Variants in FSIP2 observed in about 807,000 individuals in gnomAD.
The protein encoded by FSIP2 is fibrous sheath interacting protein 2.
A neutral mutation model predicts 510.5 loss-of-function variants in FSIP2; 367 were observed. The ratio of observed to expected loss-of-function variants is 0.72; its 90% CI spans 0.66 to 0.78. The LOEUF is 0.78. FSIP2 is among the 30% of genes least tolerant of loss of function. FSIP2 has a pLI of 0.00. For synonymous variants in FSIP2, 2,601 were observed against 2,732.2 expected (o/e 0.95, Z 1.50); for missense variants, 7,594 against 7,901.7 (o/e 0.96, Z 1.48).
Position 185,796,181 on chromosome 2 carries a change from G to A in FSIP2, c.9045G>A (p.Glu3015=), listed in dbSNP as rs893548772. The stretch of plus-strand genomic sequence containing the variant: ...AGTTTAAACATATCTCCAAATATGA[G>A]TTTTCTGAAATTGTGAAAATGCCTA... ...DLQFKHISKY[E]FSEIVKMPIE... Residue 3015 remains glutamate (E), a synonymous_variant, in exon 16 of 23, where the codon GAG becomes GAA. Coordinates refer to ENST00000424728, the MANE Select transcript of FSIP2 (RefSeq NM_173651.4). 2 of 1,532,674 alleles carry A rather than the reference G, an allele frequency of 1.3e-6. No homozygotes were observed. The highest frequency in any genetic ancestry group is 2.7e-5 in the African/African-American group (2 of 72,762). The allele number at this position is 1,532,674 out of a possible 1,614,324, so 94.9% of individuals were successfully genotyped here.
Position 185,804,779 on chromosome 2 carries a change from C to T in FSIP2, c.15473C>T (p.Thr5158Ile). ...DEFVEAASKL[T>I]DEIIKEISEH... ...TTTGTGGAGGCAGCTTCAAAATTGACTGATGAAATTATAAAAGAAATTTCT... is the reference window on the plus strand; with the variant it reads ...TTTGTGGAGGCAGCTTCAAAATTGATTGATGAAATTATAAAAGAAATTTCT... The change falls in exon 17 of 23, where the codon ACT becomes ATT. Residue 5158 changes from threonine to isoleucine, a missense_variant. Transcript: ENST00000424728. The T allele has an allele frequency of 2.0e-6, 3 of 1,532,140 alleles. No individual in the cohort carries two copies. The highest frequency in any genetic ancestry group is 1.7e-6 in the Non-Finnish European group (2 of 1,144,680). The allele number at this position is 1,532,140 out of a possible 1,614,324, so 94.9% of individuals were successfully genotyped here.
chr2:185,812,404 A>G (rs1693750463), intron 17 of FSIP2, among the ~76,000 whole-genome samples: 1 of 152,072 alleles, frequency 6.6e-6, no homozygotes, highest in Non-Finnish European at 1.5e-5. Flanking sequence ...CTGTACCTCC[A>G]TTGTATCCTA....
In FSIP2 at chr2:185,833,074, T is replaced by A; in HGVS notation, c.20588-16T>A. 1 of 1,608,766 alleles carries A rather than the reference T, an allele frequency of 6.2e-7. No individual in the cohort carries two copies. The highest frequency in any genetic ancestry group is 8.5e-7 in the Non-Finnish European group (1 of 1,176,624). Reference sequence around the variant, plus strand: ...AAAAATAAAGATATCATTCTTCTTGTTTACTTTGTCCACAGAAACTCCCAA... The same window carrying A: ...AAAAATAAAGATATCATTCTTCTTGATTACTTTGTCCACAGAAACTCCCAA... On this transcript the variant is annotated splice_polypyrimidine_tract_variant and intron_variant, in intron 22 of 22. Coordinates refer to ENST00000424728, the MANE Select transcript of FSIP2 (RefSeq NM_173651.4).
rs910089716 is a variant in FSIP2, at chr2:185,799,890, G to A, written c.10584G>A (p.Trp3528Ter). 1 of 1,533,520 alleles carries A rather than the reference G, an allele frequency of 6.5e-7. No individual in the cohort carries two copies. The highest frequency in any genetic ancestry group is 1.4e-5 in the African/African-American group (1 of 72,922). 95.0% of individuals were successfully genotyped at this position (1,533,520 alleles called of 1,614,324 possible). A position where few individuals can be genotyped will look rare whatever the true frequency, so the allele number is the denominator to read the frequency against. ...TKKGREKEKAWEIQEATFSKI... is the reference protein window; with the variant it reads ...TKKGREKEKA ...AGGGTAGAGAAAAAGAGAAAGCATGGGAAATTCAAGAAGCAACATTTAGCA... is the reference window on the plus strand; with the variant it reads ...AGGGTAGAGAAAAAGAGAAAGCATGAGAAATTCAAGAAGCAACATTTAGCA... The change falls in exon 17 of 23, where the codon TGG becomes TGA. Residue 3528 changes from tryptophan to a stop codon, truncating the protein, a stop_gained. Transcript: ENST00000424728. LOFTEE classifies it high-confidence loss of function.
In FSIP2 at chr2:185,803,014, G is replaced by C; in HGVS notation, c.13708G>C (p.Asp4570His). The C allele has an allele frequency of 6.5e-7, 1 of 1,530,392 alleles. No individual in the cohort carries two copies. The highest frequency in any genetic ancestry group is 1.2e-5 in the South Asian group (1 of 83,062). The allele number at this position is 1,530,392 out of a possible 1,614,324, so 94.8% of individuals were successfully genotyped here. A position where few individuals can be genotyped will look rare whatever the true frequency, so the allele number is the denominator to read the frequency against. Residue 4570 changes from aspartate to histidine, a missense_variant, in exon 17 of 23, where the codon GAC becomes CAC. Physicochemically the swap from Asp to His is moderately conservative, Grantham distance 81 (BLOSUM62 -1). Transcript: ENST00000424728. Reference protein sequence around the residue: ...SAVQNITSSNDILIDRIAGFI... With the variant: ...SAVQNITSSNHILIDRIAGFI... ...TGTGCAAAATATCACAAGCAGTAAT[G>C]ACATTCTTATAGATAGAATAGCAGG...
intron 13 of FSIP2, among the ~76,000 whole-genome samples, chr2:185,770,053 G>C (rs1257931290): frequency 6.6e-6 from 1 of 152,078 alleles, no homozygotes; most frequent in Non-Finnish European, 1.5e-5. Flanking sequence ...GGCTATTCAG[G>C]CTCTTTCTTT....
chr2:185,798,777 T>C (rs947371301), intron 16 of FSIP2, among the ~76,000 whole-genome samples: 7 of 151,806 alleles, frequency 4.6e-5, no homozygotes, highest in African/African-American at 1.7e-4. Context: ...AGATCCATGA[T>C]TTCATCACAT....
intron 9 of FSIP2, among the ~76,000 whole-genome samples, chr2:185,758,032 T>C (rs1019905765): frequency 6.6e-6 from 1 of 151,186 alleles, no homozygotes; most frequent in African/African-American, 2.4e-5. Context: ...TAGTAATATG[T>C]TCTCATAACT....
intron 20 of FSIP2, among the ~76,000 whole-genome samples, chr2:185,826,920 A>C (rs1306004909): frequency 6.6e-6 from 1 of 151,826 alleles, no homozygotes. Flanking sequence ...ATTCATTCCT[A>C]GTTCATATAT....
At chr2:185,783,139 A>C (rs748527067) in intron 14 of FSIP2, among the ~76,000 whole-genome samples, 1 of 152,112 alleles carries the variant, frequency 6.6e-6, no homozygotes, top group Non-Finnish European at 1.5e-5. Flanking sequence ...AGGCTGGTAA[A>C]ATAGTTTATA....
chr2:185,747,256 C>T lies in FSIP2; in HGVS notation c.760-57C>T. ...ATATACTTTTTGGTGGGACAAAATA[C>T]AAAGATATTGTTGTGAAAGGCACAC... On this transcript the variant is annotated intron_variant, in intron 6 of 22. Transcript: ENST00000424728. 3.1e-6 allele frequency: 3 copies of T among 973,402 alleles called. No individual in the cohort carries two copies. The South Asian group carries it at 4.3e-5, about 14-fold the overall frequency. The allele number at this position is 973,402 out of a possible 1,614,324, so 60.3% of individuals were successfully genotyped here. A position where few individuals can be genotyped will look rare whatever the true frequency, so the allele number is the denominator to read the frequency against.
rs1309406587 is a variant in FSIP2 at position 185,800,888 on chromosome 2, A to C, written c.11582A>C (p.Gln3861Pro). Residue 3861 changes from glutamine (Q) to proline (P), a missense_variant, in exon 17 of 23, where the codon CAA (glutamine) becomes CCA (proline). By Grantham distance (76) the Gln-to-Pro change is moderately conservative. Coordinates refer to ENST00000424728, the MANE Select transcript of FSIP2 (RefSeq NM_173651.4). ...GACAAATTATCTCACAGCATACAACAAGCTCCGGAAAGTCTACCTTTTGCA... is the reference window on the plus strand; with the variant it reads ...GACAAATTATCTCACAGCATACAACCAGCTCCGGAAAGTCTACCTTTTGCA... ...LMDKLSHSIQ[Q>P]APESLPFANK... is the part of the protein sequence containing the mutation. The C allele has an allele frequency of 1.3e-6, 2 of 1,533,708 alleles. No homozygotes were observed. The highest frequency in any genetic ancestry group is 2.7e-5 in the African/African-American group (2 of 72,870).
In FSIP2 at chr2:185,746,822, C is replaced by A; in HGVS notation, c.759+12C>A. 2 of 1,487,720 alleles carry A rather than the reference C, an allele frequency of 1.3e-6. No individual in the cohort carries two copies. The highest frequency in any genetic ancestry group is 2.6e-5 in the South Asian group (2 of 76,132). 92.2% of individuals were successfully genotyped at this position (1,487,720 alleles called of 1,614,324 possible). A position where few individuals can be genotyped will look rare whatever the true frequency, so the allele number is the denominator to read the frequency against. ...GAAAAATAGAAGAGGTGAGAGACAA[C>A]AACTTTAAAATATTAACAGAAAAAT... On this transcript the variant is annotated intron_variant, in intron 6 of 22. Coordinates refer to ENST00000424728, the MANE Select transcript of FSIP2 (RefSeq NM_173651.4).
chr2:185,793,257 A>G lies in FSIP2; in HGVS notation c.6121A>G (p.Ile2041Val). 2.0e-6 allele frequency: 3 copies of G among 1,534,232 alleles called. No homozygotes were observed. In the South Asian group the frequency reaches 3.6e-5, roughly 18 times the overall value. ...IGISESIASQ[I>V]VNALLDIISR... ...GATTTCTGAAAGTATTGCAAGTCAA[A>G]TTGTTAACGCATTGTTAGACATTAT... The change falls in exon 16 of 23, where the codon ATT (isoleucine) becomes GTT (valine). Residue 2041 changes from isoleucine to valine, a missense_variant. Coordinates refer to ENST00000424728, the MANE Select transcript of FSIP2 (RefSeq NM_173651.4).
At chr2:185,820,236 C>A (rs964287739) in intron 19 of FSIP2, among the ~76,000 whole-genome samples, 2 of 151,794 alleles carry the variant, frequency 1.3e-5, no homozygotes, top group African/African-American at 4.8e-5. Context: ...CTGTAAGGAG[C>A]TTTTCCCCCT....
rs1288144828 is a variant in FSIP2, at chr2:185,791,574, A to T, written c.4438A>T (p.Ile1480Phe). The change falls in exon 16 of 23, where the codon ATT becomes TTT. Residue 1480 changes from isoleucine to phenylalanine, a missense_variant. Transcript: ENST00000424728. Reference protein sequence around the residue: ...QKMAAALQSNIQLISKAILDY... With the variant: ...QKMAAALQSNFQLISKAILDY... Reference sequence around the variant, plus strand: ...AATGGCTGCTGCATTGCAGTCTAATATTCAGTTAATTTCTAAAGCAATTTT... The same window carrying T: ...AATGGCTGCTGCATTGCAGTCTAATTTTCAGTTAATTTCTAAAGCAATTTT... 1 of 1,534,166 alleles carries T rather than the reference A, an allele frequency of 6.5e-7. No individual in the cohort carries two copies. Among genetic ancestry groups the T allele is most frequent in the Non-Finnish European group, 8.7e-7 (1 of 1,145,584 alleles).
chr2:185,802,242 T>C lies in FSIP2; in HGVS notation c.12936T>C (p.Ile4312=), dbSNP rs1381627969. Residue 4312 remains isoleucine, a synonymous_variant, in exon 17 of 23, where the codon ATT becomes ATC. Coordinates refer to ENST00000424728, the MANE Select transcript of FSIP2 (RefSeq NM_173651.4). ...DIHLDSFVRE[I]VARLLSKIFS... is the part of the protein sequence containing the mutation. ...ACCTTGATTCATTTGTAAGGGAGATTGTTGCCAGACTTTTGTCAAAGATTT... is the reference window on the plus strand; with the variant it reads ...ACCTTGATTCATTTGTAAGGGAGATCGTTGCCAGACTTTTGTCAAAGATTT... 1 of 1,533,860 alleles carries C rather than the reference T, an allele frequency of 6.5e-7. No homozygotes were observed. Among genetic ancestry groups the C allele is most frequent in the Non-Finnish European group, 8.7e-7 (1 of 1,145,326 alleles).
Position 185,793,295 on chromosome 2 carries a change from C to A in FSIP2, c.6159C>A (p.Gly2053=), listed in dbSNP as rs1211443371. The change falls in exon 16 of 23, where the codon GGC becomes GGA. Residue 2053 remains glycine (G), a synonymous_variant. Coordinates refer to ENST00000424728, the MANE Select transcript of FSIP2 (RefSeq NM_173651.4). ...TGTTAGACATTATATCACGTAAAGG[C>A]AAATGTGACAAAAACAGTTCTGACA... ...NALLDIISRK[G]KCDKNSSDKE... The A allele has an allele frequency of 6.5e-6, 10 of 1,534,048 alleles. No individual in the cohort carries two copies. In the East Asian group the frequency reaches 2.4e-4, roughly 38 times the overall value.
chr2:185,819,425 C>A (rs917747539), intron 19 of FSIP2, among the ~76,000 whole-genome samples: 1 of 151,678 alleles, frequency 6.6e-6, no homozygotes, highest in African/African-American at 2.4e-5. Flanking sequence ...AAAGCAGAAT[C>A]CAACTGTATG....
Sources: allele counts gnomAD v4.1 joint callset (sites outside exome capture counted in the v4.1 genomes callset), GRCh38; gene constraint gnomAD v4.1.1; transcripts MANE v1.5; gene names NCBI Gene and HGNC (gene_info 2026-07-23, HGNC 2026-07-21).